Variants in MICOS13 observed in about 807,000 individuals in gnomAD.
MICOS13 encodes the protein mitochondrial contact site and cristae organizing system subunit 13.
Under a neutral mutation model 16.1 loss-of-function variants are expected in MICOS13, and 15 were observed. That is an observed-to-expected ratio of 0.93 (90% CI 0.62 to 1.44). The LOEUF (loss-of-function observed/expected upper bound fraction) is 1.44. MICOS13 is among the 40% of genes most tolerant of loss of function. The probability of loss-of-function intolerance (pLI) is 0.00; values close to 1 mark genes in which losing one functional copy is unlikely to be tolerated. For synonymous variants in MICOS13, 61 were observed against 62.6 expected (o/e 0.97, Z 0.12); for missense variants, 164 against 155.0 (o/e 1.06, Z -0.31).
rs773197193 is a variant in MICOS13, at chr19:5,680,327, C to T, written c.29+131G>A. On this transcript the variant is annotated intron_variant, in intron 1 of 3. Coordinates refer to ENST00000309324, the MANE Select transcript of MICOS13 (RefSeq NM_205767.3). The stretch of plus-strand genomic sequence containing the variant: ...GAAGCCTCAGTTTCCCTATCTGGCC[C>T]ATAGGCGGGGAACGAAGGGGAAGTG... 6 of 1,608,140 alleles carry T rather than the reference C, an allele frequency of 3.7e-6. No homozygotes were observed. In the African/African-American group the frequency reaches 6.7e-5, roughly 18 times the overall value.
At position 5,679,327 on chromosome 19, in the gene MICOS13, A is replaced by C. The variant is rs1425771397; in HGVS notation, c.259+18T>G. On this transcript the variant is annotated intron_variant, in intron 3 of 3. Transcript: ENST00000309324. ...GACTGGGGTGTCTCCCTCCAAGCAA[A>C]GAAACTGGGTGCCTTACCTGCATTC... The C allele has an allele frequency of 6.2e-7, 1 of 1,610,646 alleles. No individual in the cohort carries two copies. Among genetic ancestry groups the C allele is most frequent in the Admixed American group, 1.7e-5 (1 of 59,692 alleles).
chr19:5,679,319 C>G, intron 3 of MICOS13, 26 bp downstream of exon 3: 1 of 1,606,410 alleles, frequency 6.2e-7, no homozygotes, highest in Non-Finnish European at 8.5e-7. Context: ...GTGTCTCCCT[C>G]CAAGCAAAGA....
intron 3 of MICOS13, 144 bp downstream of exon 3, chr19:5,679,201 T>A (rs1234018835): frequency 1.1e-6 from 1 of 889,694 alleles, no homozygotes; most frequent in South Asian, 1.8e-5. Context: ...CGTGAGCCAC[T>A]GTGCTCGGCC....
intron 3 of MICOS13, 175 bp from the exon 4 acceptor site, chr19:5,678,823 C>A: frequency 3.6e-6 from 2 of 554,590 alleles, no homozygotes; most frequent in Non-Finnish European, 6.3e-6. Flanking sequence ...CTCACTGCAA[C>A]CTTCGCCTCC....
In MICOS13 at chr19:5,679,354, A is replaced by G. The variant is rs1599406709; in HGVS notation, c.250T>C (p.Trp84Arg). The change falls in exon 3 of 4, where the codon TGG (tryptophan) becomes CGG (arginine). Residue 84 changes from tryptophan to arginine, a missense_variant. By Grantham distance (101) the Trp-to-Arg change is moderately radical (BLOSUM62 -3). Coordinates refer to ENST00000309324, the MANE Select transcript of MICOS13 (RefSeq NM_205767.3). ...AAACTGGGTGCCTTACCTGCATTCC[A>G]GGAGTCACGGATGGGAAAGTAAATC... is the stretch of plus-strand genomic sequence containing the variant. ...PKIYFPIRDS[W>R]NAGIMTVMSA... 8.7e-6 allele frequency: 14 copies of G among 1,613,528 alleles called. No homozygotes were observed. The highest frequency in any genetic ancestry group is 1.2e-5 in the Non-Finnish European group (14 of 1,179,784).
chr19:5,679,946 G>C, intron 1 of MICOS13, 183 bp from the exon 2 acceptor site: 6 of 1,385,706 alleles, frequency 4.3e-6, no homozygotes, highest in Non-Finnish European at 5.8e-6. Flanking sequence ...AACGTGCAAG[G>C]CAGGGCGGCT....
rs376917757 is a variant in MICOS13, at chr19:5,680,513, A to G, written c.-27T>C. On this transcript the variant is annotated 5_prime_UTR_variant, in exon 1 of 4. Transcript: ENST00000309324. ...GTCGCTCGGATCCACGCGCAAGGAC[A>G]CTCGGCTCGCCCGCCGCTTCCTGTC... 383 of 1,593,798 alleles carry G rather than the reference A, an allele frequency of 2.4e-4. No individual in the cohort carries two copies. The highest frequency in any genetic ancestry group is 3.2e-4 in the Non-Finnish European group (376 of 1,174,440).
chr19:5,680,103 T>C (rs1172535814), intron 1 of MICOS13: 1 of 1,535,626 alleles, frequency 6.5e-7, no homozygotes, highest in Non-Finnish European at 8.7e-7. Flanking sequence ...CCTGGGCGCC[T>C]CCTGCCCGCT....
In MICOS13 at chr19:5,678,634, T is replaced by G. The variant is rs1478019928; in HGVS notation, c.274A>C (p.Met92Leu). The change falls in exon 4 of 4, where the codon ATG becomes CTG. Residue 92 changes from methionine to leucine, a missense_variant. By Grantham distance (15) the Met-to-Leu change is conservative. Transcript: ENST00000309324. ...DSWNAGIMTV[M>L]SALSVAPSKA... is the part of the protein sequence containing the mutation. Reference sequence around the variant, plus strand: ...GAGGGGGCCACCGACAGAGCTGACATCACCGTCATGATGCCTGTGGGAAAG... The same window carrying G: ...GAGGGGGCCACCGACAGAGCTGACAGCACCGTCATGATGCCTGTGGGAAAG... 2 of 1,536,968 alleles carry G rather than the reference T, an allele frequency of 1.3e-6. No individual in the cohort carries two copies. The highest frequency in any genetic ancestry group is 2.8e-5 in the African/African-American group (2 of 72,318).
intron 1 of MICOS13, 143 bp downstream of exon 1, chr19:5,680,315 C>T (rs2054511044): frequency 5.6e-6 from 9 of 1,608,860 alleles, no homozygotes; most frequent in Non-Finnish European, 7.6e-6. Context: ...GCCTCAGTTT[C>T]CCTATCTGGC....
intron 1 of MICOS13, 75 bp downstream of exon 1, chr19:5,680,383 C>A: frequency 6.2e-7 from 1 of 1,606,838 alleles, no homozygotes; most frequent in Non-Finnish European, 8.5e-7. Flanking sequence ...CAGATCGGGA[C>A]CAGACTGGAG....
At chr19:5,678,733 T>TTTG in intron 3 of MICOS13, 85 bp from the exon 4 acceptor site, 5 of 252,176 alleles carry the variant, frequency 2.0e-5, no homozygotes, top group East Asian at 1.5e-4. Flanking sequence ...GAGTTTGTTT[T>TTTG]GGGCGGTGGG....
chr19:5,679,336 G>A lies in MICOS13; in HGVS notation c.259+9C>T. The A allele has an allele frequency of 6.2e-7, 1 of 1,612,380 alleles. No individual in the cohort carries two copies. The highest frequency in any genetic ancestry group is 8.5e-7 in the Non-Finnish European group (1 of 1,179,010). On this transcript the variant is annotated intron_variant, in intron 3 of 3. Transcript: ENST00000309324. ...GTCTCCCTCCAAGCAAAGAAACTGG[G>A]TGCCTTACCTGCATTCCAGGAGTCA...
chr19:5,678,947 C>T (rs1599405710), intron 3 of MICOS13: 4 of 380,588 alleles, frequency 1.1e-5, no homozygotes, highest in South Asian at 3.0e-5. Flanking sequence ...CTCGCCCTGT[C>T]GCCCAGGCTG....
chr19:5,678,756 G>A (rs976348274), intron 3 of MICOS13, 108 bp from the exon 4 acceptor site: 74 of 608,526 alleles, frequency 1.2e-4, no homozygotes, highest in Non-Finnish European at 1.8e-4. Context: ...GTGGGTGGGG[G>A]GCGGGGATGG....
chr19:5,680,091 TC>T (rs936988638), intron 1 of MICOS13: 1 of 1,534,968 alleles, frequency 6.5e-7, no homozygotes, highest in Non-Finnish European at 8.7e-7. Context: ...AAACCAAGTG[TC>T]CCTGGGCGCC....
chr19:5,679,744 C>T lies in MICOS13; in HGVS notation c.49G>A (p.Val17Met), dbSNP rs937248725. Residue 17 changes from valine (V) to methionine (M), a missense_variant, in exon 2 of 4, where the codon GTG (valine) becomes ATG (methionine). Coordinates refer to ENST00000309324, the MANE Select transcript of MICOS13 (RefSeq NM_205767.3). ...SLMRFLIKGS[V>M]AGGAVYLVYD... The stretch of plus-strand genomic sequence containing the variant: ...ACCAGGTAGACGGCGCCCCCAGCCA[C>T]ACTTCCCTTGATGAGGAACCTGCGG... 6.2e-7 allele frequency: 1 copy of T among 1,606,866 alleles called. No homozygotes were observed. The highest frequency in any genetic ancestry group is 8.5e-7 in the Non-Finnish European group (1 of 1,178,366).
intron 3 of MICOS13, 85 bp from the exon 4 acceptor site, chr19:5,678,733 T>TTTTTTTGG: frequency 7.9e-6 from 2 of 252,190 alleles, no homozygotes; most frequent in South Asian, 4.3e-5. Flanking sequence ...GAGTTTGTTT[T>TTTTTTTGG]GGGCGGTGGG....
rs1242886500 is a variant in MICOS13 at position 5,678,633 on chromosome 19, A to G, written c.275T>C (p.Met92Thr). Residue 92 changes from methionine to threonine, a missense_variant, in exon 4 of 4, where the codon ATG becomes ACG. By Grantham distance (81) the Met-to-Thr change is moderately conservative. Transcript: ENST00000309324. ...GGAGGGGGCCACCGACAGAGCTGAC[A>G]TCACCGTCATGATGCCTGTGGGAAA... ...DSWNAGIMTVMSALSVAPSKA... is the reference protein window; with the variant it reads ...DSWNAGIMTVTSALSVAPSKA... The G allele has an allele frequency of 3.2e-6, 5 of 1,539,564 alleles. No homozygotes were observed. The highest frequency in any genetic ancestry group is 4.4e-6 in the Non-Finnish European group (5 of 1,141,904).
Sources: gnomAD v4.1 joint callset for allele counts on GRCh38, gnomAD v4.1.1 for gene constraint, MANE v1.5 for transcripts, NCBI Gene and HGNC (gene_info 2026-07-23, HGNC 2026-07-21) for gene names.